The following HYAL2 variants were observed in gnomAD, a reference collection of about 807,000 sequenced individuals.
HYAL2 encodes hyaluronidase 2.
A neutral mutation model predicts 35.4 loss-of-function variants in HYAL2; 30 were observed. The ratio of observed to expected loss-of-function variants is 0.85; its 90% CI spans 0.63 to 1.15. HYAL2 has a LOEUF of 1.15. HYAL2 is among the 50% of genes most tolerant of loss of function. HYAL2 has a pLI of 0.00. For synonymous variants in HYAL2, 262 were observed against 252.8 expected (o/e 1.04, Z -0.34); for missense variants, 635 against 646.5 (o/e 0.98, Z 0.19).
Position 50,317,980 on chromosome 3 carries a change from G to C in HYAL2, c.*149C>G. ...ACTTCCCCTCCCCCTTAGAACAGGG[G>C]GGTGCGAGCTGGTATGGATGCCCTC... On this transcript the variant is annotated 3_prime_UTR_variant, in exon 4 of 4. Transcript: ENST00000357750. The C allele has an allele frequency of 2.6e-6, 2 of 778,356 alleles. No homozygotes were observed. Among genetic ancestry groups the C allele is most frequent in the Non-Finnish European group, 4.1e-6 (2 of 483,240 alleles). 48.2% of individuals were successfully genotyped at this position (778,356 alleles called of 1,614,324 possible).
At position 50,322,441 on chromosome 3, in the gene HYAL2, C is replaced by T. The variant is rs1702719617; in HGVS notation, c.-47+212G>A. 1 of 152,366 alleles carries T rather than the reference C, an allele frequency of 6.6e-6. No individual in the cohort carries two copies. Among genetic ancestry groups the T allele is most frequent in the African/African-American group, 2.4e-5 (1 of 41,560 alleles). The allele number at this position is 152,366 out of a possible 1,614,324, so 9.4% of individuals were successfully genotyped here. A position where few individuals can be genotyped will look rare whatever the true frequency, so the allele number is the denominator to read the frequency against. The stretch of plus-strand genomic sequence containing the variant: ...AGCGCCCCCTACGCTCCACAGGCCT[C>T]TCCCGGTGGGGGGCAGGCTTAGACC... On this transcript the variant is annotated intron_variant, in intron 1 of 3. Coordinates refer to ENST00000357750, the MANE Select transcript of HYAL2 (RefSeq NM_003773.5). This position sits in a 1 kb window ranked among gnomAD's most constrained non-coding sequence, Gnocchi z 5.5.
At position 50,320,025 on chromosome 3, in the gene HYAL2, T is replaced by C; in HGVS notation, c.465A>G (p.Ser155=). 5.6e-6 allele frequency: 9 copies of C among 1,613,364 alleles called. No individual in the cohort carries two copies. Among genetic ancestry groups the C allele is most frequent in the Non-Finnish European group, 7.6e-6 (9 of 1,180,038 alleles). ...WQDKDVYRRL[S]RQLVASRHPD... ...GGTGACGACTGGCCACTAGCTGGCG[T>C]GATAACCGGCGATACACATCTTTGT... is the stretch of plus-strand genomic sequence containing the variant. The change falls in exon 2 of 4, where the codon TCA becomes TCG. Residue 155 remains serine (S), a synonymous_variant. Transcript: ENST00000357750. This position sits in a 1 kb window ranked among gnomAD's most constrained non-coding sequence, Gnocchi z 4.8.
rs1485240806 is a variant in HYAL2, at chr3:50,317,841, C to A, written c.*288G>T. On this transcript the variant is annotated 3_prime_UTR_variant, in exon 4 of 4. Transcript: ENST00000357750. Reference sequence around the variant, plus strand: ...TTTTATGTTTAATTTACAAAAGAGACCCCAAAATAATAATAATAATAAACT... The same window carrying A: ...TTTTATGTTTAATTTACAAAAGAGAACCCAAAATAATAATAATAATAAACT... 5.9e-6 allele frequency: 2 copies of A among 336,224 alleles called. No homozygotes were observed. Among genetic ancestry groups the A allele is most frequent in the Non-Finnish European group, 1.1e-5 (2 of 186,120 alleles). The allele number at this position is 336,224 out of a possible 1,614,324, so 20.8% of individuals were successfully genotyped here. A position where few individuals can be genotyped will look rare whatever the true frequency, so the allele number is the denominator to read the frequency against.
Position 50,320,584 on chromosome 3 carries a change from T to A in HYAL2, c.-46-49A>T. On this transcript the variant is annotated intron_variant, in intron 1 of 3. Transcript: ENST00000357750. This position sits in a 1 kb window ranked among gnomAD's most constrained non-coding sequence, Gnocchi z 4.8. ...AAGTCAGTCTAGGGAATACTGGAAG[T>A]GCCCACCTCAAGCCCATCTATGCTC... is the stretch of plus-strand genomic sequence containing the variant. 8.7e-7 allele frequency: 1 copy of A among 1,154,432 alleles called. No individual in the cohort carries two copies. The highest frequency in any genetic ancestry group is 1.2e-6 in the Non-Finnish European group (1 of 842,896). 71.5% of individuals were successfully genotyped at this position (1,154,432 alleles called of 1,614,324 possible).
At chr3:50,319,405 T>G (rs1422471864) in intron 2 of HYAL2, among the ~76,000 whole-genome samples, 164 bp downstream of exon 2, 1 of 152,046 alleles carries the variant, frequency 6.6e-6, no homozygotes, top group Non-Finnish European at 1.5e-5. Flanking sequence ...ATCTGAAAAA[T>G]GGGGATAATG....
Position 50,319,087 on chromosome 3 carries a change from A to G in HYAL2, c.922-42T>C, listed in dbSNP as rs782220339. 7.0e-6 allele frequency: 10 copies of G among 1,427,152 alleles called. No homozygotes were observed. In the Admixed American group the frequency reaches 1.6e-4, roughly 23 times the overall value. The allele number at this position is 1,427,152 out of a possible 1,614,324, so 88.4% of individuals were successfully genotyped here. On this transcript the variant is annotated intron_variant, in intron 2 of 3. Coordinates refer to ENST00000357750, the MANE Select transcript of HYAL2 (RefSeq NM_003773.5). ...ATGGTCACTGGGGAAGACTGAGACCACAGGGTGACAGGAACAGACAAGGAG... is the reference window on the plus strand; with the variant it reads ...ATGGTCACTGGGGAAGACTGAGACCGCAGGGTGACAGGAACAGACAAGGAG...
In HYAL2 at chr3:50,320,912, A is replaced by G; in HGVS notation, c.-46-377T>C. On this transcript the variant is annotated intron_variant, in intron 1 of 3. Coordinates refer to ENST00000357750, the MANE Select transcript of HYAL2 (RefSeq NM_003773.5). The surrounding 1 kb of genome is among the most constrained non-coding windows in gnomAD (Gnocchi z 4.8). ...ACACCGTGAAGAACCCTTGATCCAG[A>G]GAAACGACAGCATTTGGGTAAAGCA... 6.0e-6 allele frequency: 1 copy of G among 165,918 alleles called. No homozygotes were observed. Among genetic ancestry groups the G allele is most frequent in the Non-Finnish European group, 1.3e-5 (1 of 77,832 alleles). The allele number at this position is 165,918 out of a possible 1,614,324, so 10.3% of individuals were successfully genotyped here.
chr3:50,319,527 C>A, intron 2 of HYAL2, 42 bp downstream of exon 2: 2 of 1,544,584 alleles, frequency 1.3e-6, no homozygotes, highest in South Asian at 1.2e-5. Flanking sequence ...GCAGTGGATC[C>A]TCAAGGAAGG....
chr3:50,319,852 T>A lies in HYAL2; in HGVS notation c.638A>T (p.Asn213Ile). ...CTCCCAGTTCTGCACATAATCATGA[T>A]TGTAGCAGTCAGGAAAGAGGTAGAA... ...WGFYLFPDCYNHDYVQNWESY... is the reference protein window; with the variant it reads ...WGFYLFPDCYIHDYVQNWESY... The change falls in exon 2 of 4, where the codon AAT becomes ATT. Residue 213 changes from asparagine to isoleucine, a missense_variant. Coordinates refer to ENST00000357750, the MANE Select transcript of HYAL2 (RefSeq NM_003773.5). 6.2e-7 allele frequency: 1 copy of A among 1,613,536 alleles called. No homozygotes were observed. The highest frequency in any genetic ancestry group is 2.2e-5 in the East Asian group (1 of 44,862).
At position 50,318,477 on chromosome 3, in the gene HYAL2, C is replaced by G; in HGVS notation, c.1074G>C (p.Val358=). ...TRLLVPYVVN[V]SWATQYCSRA... ...GGCTGCAATATTGGGTGGCCCAGGA[C>G]ACATTGACCACGTAGGGGACCAGCA... Residue 358 remains valine, a synonymous_variant, in exon 4 of 4, where the codon GTG becomes GTC. Coordinates refer to ENST00000357750, the MANE Select transcript of HYAL2 (RefSeq NM_003773.5). The surrounding 1 kb of genome is among the most constrained non-coding windows in gnomAD (Gnocchi z 4.5). 1 of 1,612,926 alleles carries G rather than the reference C, an allele frequency of 6.2e-7. No individual in the cohort carries two copies. The highest frequency in any genetic ancestry group is 1.1e-5 in the South Asian group (1 of 91,082).
chr3:50,320,339 G>A lies in HYAL2; in HGVS notation c.151C>T (p.Leu51Phe). The A allele has an allele frequency of 6.2e-7, 1 of 1,613,886 alleles. No homozygotes were observed. Among genetic ancestry groups the A allele is most frequent in the Non-Finnish European group, 8.5e-7 (1 of 1,179,982 alleles). The change falls in exon 2 of 4, where the codon CTC becomes TTC. Residue 51 changes from leucine to phenylalanine, a missense_variant. Transcript: ENST00000357750. This position sits in a 1 kb window ranked among gnomAD's most constrained non-coding sequence, Gnocchi z 4.8. ...DVPTQDCGPR[L>F]KVPLDLNAFD... ...GCATTCAGGTCCAGTGGCACCTTGA[G>A]GCGTGGGCCACAGTCCTGTGTGGGC...
Position 50,320,590 on chromosome 3 carries a change from C to T in HYAL2, c.-46-55G>A. ...GTCTAGGGAATACTGGAAGTGCCCA[C>T]CTCAAGCCCATCTATGCTCCCAAAG... On this transcript the variant is annotated intron_variant, in intron 1 of 3. Transcript: ENST00000357750. This position sits in a 1 kb window ranked among gnomAD's most constrained non-coding sequence, Gnocchi z 4.8. The T allele has an allele frequency of 9.1e-7, 1 of 1,101,134 alleles. No homozygotes were observed. The highest frequency in any genetic ancestry group is 1.3e-6 in the Non-Finnish European group (1 of 794,782). The allele number at this position is 1,101,134 out of a possible 1,614,324, so 68.2% of individuals were successfully genotyped here.
In HYAL2 at chr3:50,322,476, C is replaced by G. The variant is rs587693192; in HGVS notation, c.-47+177G>C. The G allele has an allele frequency of 7.9e-5, 12 of 152,376 alleles. No individual in the cohort carries two copies. Among genetic ancestry groups the G allele is most frequent in the African/African-American group, 2.4e-4 (10 of 41,562 alleles). 9.4% of individuals were successfully genotyped at this position (152,376 alleles called of 1,614,324 possible). A position where few individuals can be genotyped will look rare whatever the true frequency, so the allele number is the denominator to read the frequency against. ...GGGGCAGGCTTAGACCCTGGCGAGC[C>G]CCGTGCGAAACCACCTCGGCTCTTC... is the stretch of plus-strand genomic sequence containing the variant. On this transcript the variant is annotated intron_variant, in intron 1 of 3. Coordinates refer to ENST00000357750, the MANE Select transcript of HYAL2 (RefSeq NM_003773.5). The surrounding 1 kb of genome is among the most constrained non-coding windows in gnomAD (Gnocchi z 5.5).
At position 50,322,621 on chromosome 3, in the gene HYAL2, G is replaced by C. The variant is rs1345803069; in HGVS notation, c.-47+32C>G. 6.6e-6 allele frequency: 1 copy of C among 152,258 alleles called. No individual in the cohort carries two copies. Among genetic ancestry groups the C allele is most frequent in the Non-Finnish European group, 1.5e-5 (1 of 68,070 alleles). 9.4% of individuals were successfully genotyped at this position (152,258 alleles called of 1,614,324 possible). A position where few individuals can be genotyped will look rare whatever the true frequency, so the allele number is the denominator to read the frequency against. ...AGTGCAACTGCGAGCGCATCTGTGG[G>C]GGTGCAGACCAGCCGTCTGCTCTGG... On this transcript the variant is annotated intron_variant, in intron 1 of 3. Coordinates refer to ENST00000357750, the MANE Select transcript of HYAL2 (RefSeq NM_003773.5). This position sits in a 1 kb window ranked among gnomAD's most constrained non-coding sequence, Gnocchi z 5.5.
rs1553716362 is a variant in HYAL2, at chr3:50,320,125, C to T, written c.365G>A (p.Arg122Gln). ...CGCCAGCCCCGCAGACTCCTGTGTC[C>T]GAATGTAGTGCTCCACACGTTTCTG... ...MLQKRVEHYI[R>Q]TQESAGLAVI... Residue 122 changes from arginine (R) to glutamine (Q), a missense_variant, in exon 2 of 4, where the codon CGG (arginine) becomes CAG (glutamine). Coordinates refer to ENST00000357750, the MANE Select transcript of HYAL2 (RefSeq NM_003773.5). This position sits in a 1 kb window ranked among gnomAD's most constrained non-coding sequence, Gnocchi z 4.8. The T allele has an allele frequency of 6.8e-6, 11 of 1,613,822 alleles. No homozygotes were observed. The highest frequency in any genetic ancestry group is 1.1e-5 in the South Asian group (1 of 91,088).
In HYAL2 at chr3:50,318,105, GC is replaced by G. The variant is rs782404084; in HGVS notation, c.*23del. On this transcript the variant is annotated 3_prime_UTR_variant, in exon 4 of 4. Coordinates refer to ENST00000357750, the MANE Select transcript of HYAL2 (RefSeq NM_003773.5). The surrounding 1 kb of genome is among the most constrained non-coding windows in gnomAD (Gnocchi z 4.5). ...GAGCCCTTGTGGTAGAGGCCAGCTT[GC>G]TAGGCAGCTAGGCAGGAGACCCCTA... The G allele has an allele frequency of 3.3e-6, 5 of 1,533,952 alleles. No homozygotes were observed. The highest frequency in any genetic ancestry group is 3.5e-6 in the Non-Finnish European group (4 of 1,140,020).
Position 50,318,308 on chromosome 3 carries a change from A to G in HYAL2, c.1243T>C (p.Trp415Arg). The change falls in exon 4 of 4, where the codon TGG (tryptophan) becomes CGG (arginine). Residue 415 changes from tryptophan (W) to arginine (R), a missense_variant. By Grantham distance (101) the Trp-to-Arg change is moderately radical. Transcript: ENST00000357750. The surrounding 1 kb of genome is among the most constrained non-coding windows in gnomAD (Gnocchi z 4.5). Reference protein sequence around the residue: ...PQLRPVGELSWADIDHLQTHF... With the variant: ...PQLRPVGELSRADIDHLQTHF... ...GTCTGCAGGTGGTCAATGTCGGCCC[A>G]ACTGAGCTCCCCCACAGGTCGCAGC... 1 of 1,613,514 alleles carries G rather than the reference A, an allele frequency of 6.2e-7. No homozygotes were observed. Among genetic ancestry groups the G allele is most frequent in the African/African-American group, 1.3e-5 (1 of 75,064 alleles).
At position 50,318,802 on chromosome 3, in the gene HYAL2, C is replaced by CG. The variant is rs1702618276; in HGVS notation, c.1011+153dup. 4.1e-6 allele frequency: 3 copies of CG among 728,008 alleles called. No homozygotes were observed. The South Asian group carries it at 4.9e-5, about 12-fold the overall frequency. The allele number at this position is 728,008 out of a possible 1,614,324, so 45.1% of individuals were successfully genotyped here. A position where few individuals can be genotyped will look rare whatever the true frequency, so the allele number is the denominator to read the frequency against. On this transcript the variant is annotated intron_variant, in intron 3 of 3. Coordinates refer to ENST00000357750, the MANE Select transcript of HYAL2 (RefSeq NM_003773.5). This position sits in a 1 kb window ranked among gnomAD's most constrained non-coding sequence, Gnocchi z 4.5. ...ATTTCCTCTTTCCTGAGAGCAGGGC[C>CG]GGGGTGACCTCCTCCTGTTGCCACC...
Position 50,320,257 on chromosome 3 carries a change from AAG to A in HYAL2, c.231_232del (p.Phe78LeufsTer87). The stretch of plus-strand genomic sequence containing the variant: ...ATACAGGCCTAGACGGTCGCGGTAG[AAG>A]ATGGTAATATTCTGGTTCACAAAAC... On this transcript the variant is annotated frameshift_variant, in exon 2 of 4. Coordinates refer to ENST00000357750, the MANE Select transcript of HYAL2 (RefSeq NM_003773.5). LOFTEE classifies it high-confidence loss of function. This position sits in a 1 kb window ranked among gnomAD's most constrained non-coding sequence, Gnocchi z 4.8. 2 of 1,614,060 alleles carry A rather than the reference AAG, an allele frequency of 1.2e-6. No individual in the cohort carries two copies. Among genetic ancestry groups the A allele is most frequent in the Non-Finnish European group, 1.7e-6 (2 of 1,180,040 alleles).
Sources: allele counts gnomAD v4.1 joint callset (sites outside exome capture counted in the v4.1 genomes callset), GRCh38; gene constraint gnomAD v4.1.1; non-coding constraint Gnocchi (gnomAD v3.1); transcripts MANE v1.5; gene names NCBI Gene and HGNC (gene_info 2026-07-23, HGNC 2026-07-21).